Variants in PTPRM observed in about 807,000 individuals in gnomAD.
The protein encoded by PTPRM is protein tyrosine phosphatase receptor type M.
PTPRM carries 47 observed loss-of-function variants against 186.7 expected under a neutral mutation model. The observed-to-expected ratio is 0.25, with a 90% CI of 0.20 to 0.32. PTPRM has a LOEUF of 0.32. Among genes scored for constraint, PTPRM ranks in the 10% least tolerant of loss-of-function variants. The pLI, the probability that PTPRM is intolerant of heterozygous loss-of-function variation, is 1.00. For synonymous variants in PTPRM, 668 were observed against 674.9 expected, an observed-to-expected ratio of 0.99 and a Z score of 0.16; for missense variants, 1,494 against 1,865.0, an observed-to-expected ratio of 0.80 and a Z score of 3.66.
chr18:8,011,801 G>A (rs1429483055), intron 7 of PTPRM, among the ~76,000 whole-genome samples: 1 of 152,194 alleles, frequency 6.6e-6, no homozygotes. Context: ...TTATAACACA[G>A]CTAAGGACAA....
intron 17 of PTPRM, among the ~76,000 whole-genome samples, chr18:8,250,457 G>A (rs920503420): frequency 1.3e-5 from 2 of 151,844 alleles, no homozygotes; most frequent in African/African-American, 4.8e-5. Context: ...TATTTCTAAT[G>A]TGCTCTTCTG....
At chr18:8,320,498 C>A (rs1287496347) in intron 22 of PTPRM, among the ~76,000 whole-genome samples, 11 of 152,216 alleles carry the variant, frequency 7.2e-5, no homozygotes, top group African/African-American at 2.4e-4. Context: ...AGCTACAAAT[C>A]ACATGTGGCT....
intron 1 of PTPRM, among the ~76,000 whole-genome samples, chr18:7,658,330 TTATATATATATA>T (rs34009975): frequency 7.2e-5 from 9 of 124,452 alleles, no homozygotes; most frequent in East Asian, 2.2e-4. Context: ...TAAAGTAAAT[TTATATATATATA>T]TATATATATA....
chr18:7,842,841 TAG>T lies in PTPRM; in HGVS notation c.197-45249_197-45248del, dbSNP rs375833450. On this transcript the variant is annotated intron_variant, in intron 2 of 32. Coordinates refer to ENST00000580170, the MANE Select transcript of PTPRM (RefSeq NM_001105244.2). The stretch of plus-strand genomic sequence containing the variant: ...GTATATATATATGTATATATATATA[TAG>T]AGAGAGAGAGAGAGAAACATATATA... Among the ~76,000 whole-genome samples, 185 of 134,532 alleles carry T rather than the reference TAG, an allele frequency of 1.4e-3. 2 individuals carry two copies. The East Asian group carries it at 0.026, about 19-fold the overall frequency. The allele number at this position is 134,532 out of a possible 152,430, so 88.3% of individuals were successfully genotyped here. A position where few individuals can be genotyped will look rare whatever the true frequency, so the allele number is the denominator to read the frequency against.
chr18:8,344,448 G>GTGTATATATATATATATATATA (rs1360655194), intron 23 of PTPRM, among the ~76,000 whole-genome samples: 37 of 33,382 alleles, frequency 1.1e-3, no homozygotes, highest in South Asian at 2.3e-3. Flanking sequence ...GTGTGTGTGT[G>GTGTATATATATATATATATATA]TATATATATA....
intron 7 of PTPRM, among the ~76,000 whole-genome samples, chr18:7,975,532 G>A (rs756226299): frequency 5.3e-5 from 8 of 152,072 alleles, no homozygotes; most frequent in African/African-American, 1.4e-4. Context: ...TTTCAACTAC[G>A]GTAAGGTTCC....
chr18:8,347,324 C>T (rs547715815), intron 23 of PTPRM, among the ~76,000 whole-genome samples: 1 of 152,282 alleles, frequency 6.6e-6, no homozygotes, highest in South Asian at 2.1e-4. Flanking sequence ...CCAAAGGACA[C>T]CACTGTGTCT....
At chr18:8,295,663 A>G (rs2095089370) in intron 19 of PTPRM, among the ~76,000 whole-genome samples, 1 of 152,224 alleles carries the variant, frequency 6.6e-6, no homozygotes, top group Non-Finnish European at 1.5e-5. Flanking sequence ...ATAGTTGACC[A>G]CATAAAGGTA....
intron 7 of PTPRM, among the ~76,000 whole-genome samples, chr18:8,062,804 A>AGTCT (rs2088659264): frequency 1.0e-5 from 1 of 98,936 alleles, no homozygotes; most frequent in Non-Finnish European, 1.9e-5. Context: ...TTGAGGAGGC[A>AGTCT]GTCTGCCCGT....
intron 31 of PTPRM, among the ~76,000 whole-genome samples, chr18:8,392,417 G>A (rs1036214662): frequency 1.3e-5 from 2 of 152,098 alleles, no homozygotes; most frequent in Non-Finnish European, 2.9e-5. Context: ...TAGGTCAGGA[G>A]ATTGAGACTA....
At chr18:7,715,039 G>A (rs1198233560) in intron 1 of PTPRM, among the ~76,000 whole-genome samples, 1 of 152,100 alleles carries the variant, frequency 6.6e-6, no homozygotes, top group Non-Finnish European at 1.5e-5. Context: ...CCAAAATCTG[G>A]CAGAGACACA....
At chr18:7,622,098 G>C (rs2037953750) in intron 1 of PTPRM, among the ~76,000 whole-genome samples, 1 of 152,198 alleles carries the variant, frequency 6.6e-6, no homozygotes, top group Non-Finnish European at 1.5e-5. Flanking sequence ...GAGGGTTCCT[G>C]CTGCTCCATA....
At chr18:7,801,313 A>C (rs2043956832) in intron 2 of PTPRM, among the ~76,000 whole-genome samples, 1 of 151,934 alleles carries the variant, frequency 6.6e-6, no homozygotes, top group African/African-American at 2.4e-5. Flanking sequence ...TTTTTTCTTT[A>C]CTTTTTAAAC....
intron 2 of PTPRM, among the ~76,000 whole-genome samples, chr18:7,885,217 G>A (rs762446620): frequency 3.3e-5 from 5 of 152,088 alleles, no homozygotes; most frequent in African/African-American, 4.8e-5. Context: ...TACTTGCTGT[G>A]AACGTAAAAA....
rs575994978 is a variant in PTPRM at position 7,575,375 on chromosome 18, C to G, written c.73+7484C>G. Among the ~76,000 whole-genome samples the G allele has an allele frequency of 2.0e-5, 3 of 152,274 alleles. No individual in the cohort carries two copies. In the South Asian group the frequency reaches 6.2e-4, roughly 32 times the overall value. On this transcript the variant is annotated intron_variant, in intron 1 of 32. Coordinates refer to ENST00000580170, the MANE Select transcript of PTPRM (RefSeq NM_001105244.2). ...CCCCATCCATAGATGGCTTCCTGGA[C>G]AGCTAAAGAAAGGCACGAGAGCGGA...
At chr18:8,095,909 C>T (rs952965358) in intron 11 of PTPRM, among the ~76,000 whole-genome samples, 74 of 152,242 alleles carry the variant, frequency 4.9e-4, no homozygotes, top group African/African-American at 1.7e-3. Flanking sequence ...TTGGAAATCA[C>T]TAATTATATA....
chr18:8,273,068 C>T (rs1221197022), intron 19 of PTPRM, among the ~76,000 whole-genome samples: 2 of 152,060 alleles, frequency 1.3e-5, no homozygotes, highest in African/African-American at 2.4e-5. Context: ...TTTTCAACCC[C>T]TCTATTTTAG....
intron 7 of PTPRM, among the ~76,000 whole-genome samples, chr18:8,065,118 A>G (rs1183595204): frequency 1.3e-5 from 2 of 152,196 alleles, no homozygotes; most frequent in African/African-American, 2.4e-5. Context: ...ATACCCAAAT[A>G]TCTCTCACAG....
chr18:8,368,747 G>A (rs2095647295), intron 23 of PTPRM, among the ~76,000 whole-genome samples: 1 of 152,242 alleles, frequency 6.6e-6, no homozygotes, highest in East Asian at 1.9e-4. Context: ...AACTTTCCCA[G>A]TCTGGGACTT....
Sources: allele counts gnomAD v4.1 joint callset (sites outside exome capture counted in the v4.1 genomes callset), GRCh38; gene constraint gnomAD v4.1.1; transcripts MANE v1.5; gene names NCBI Gene and HGNC (gene_info 2026-07-23, HGNC 2026-07-21).